MRPL34: variants seen among roughly 807,000 people sequenced by gnomAD.
MRPL34 encodes large ribosomal subunit protein bL34m.
Under a neutral mutation model 6.7 loss-of-function variants are expected in MRPL34, and 8 were observed. The ratio of observed to expected loss-of-function variants is 1.20; its 90% confidence interval spans 0.70 to 2.16. MRPL34 has a LOEUF of 2.16. MRPL34 is among the 30% of genes most tolerant of loss of function. MRPL34 has a pLI of 0.00. For synonymous variants in MRPL34, 59 were observed against 55.1 expected (o/e 1.07, Z -0.31); for missense variants, 146 against 125.5 (o/e 1.16, Z -0.78).
At chr19:17,303,405 C>G (rs1158282462), upstream of MRPL34, 1 of 152,242 alleles carries the variant, frequency 6.6e-6, no homozygotes, top group Non-Finnish European at 1.5e-5. Flanking sequence ...ATCCCGCGGC[C>G]GCCGAAACAG....
At chr19:17,304,095 C>T (rs1467847940), upstream of MRPL34, among the ~76,000 whole-genome samples, 3 of 152,206 alleles carry the variant, frequency 2.0e-5, no homozygotes, top group Non-Finnish European at 2.9e-5. Context: ...GCCATCGTGA[C>T]GGGCTTCTCT....
At chr19:17,297,545 C>T (rs1180525207) in intron 1 of MRPL34, among the ~76,000 whole-genome samples, 3 of 152,124 alleles carry the variant, frequency 2.0e-5, no homozygotes, top group Non-Finnish European at 2.9e-5. Context: ...CCGCCTGCCT[C>T]GGCCTCCAAA....
chr19:17,306,056 C>A lies in MRPL34; in HGVS notation c.65+99C>A, dbSNP rs573447367. The A allele has an allele frequency of 9.1e-6, 14 of 1,545,460 alleles. No individual in the cohort carries two copies. The South Asian group carries it at 1.0e-4, about 11-fold the overall frequency. ...GCCCGCGTGACCTGCCAGTGCCTTGCGCATTTTGCAGCCAGGCTCTGTCTC... is the reference window on the plus strand; with the variant it reads ...GCCCGCGTGACCTGCCAGTGCCTTGAGCATTTTGCAGCCAGGCTCTGTCTC... On this transcript the variant is annotated intron_variant, in intron 1 of 1. Transcript: ENST00000252602.
intron 1 of MRPL34, chr19:17,294,277 C>A (rs915046679): frequency 6.3e-7 from 1 of 1,594,390 alleles, no homozygotes; most frequent in Non-Finnish European, 8.5e-7. Flanking sequence ...GCCCCAGGTG[C>A]CCGCCTCTAC....
chr19:17,295,057 GAGATTGC>G (rs935310956), intron 1 of MRPL34, among the ~76,000 whole-genome samples: 6 of 149,018 alleles, frequency 4.0e-5, no homozygotes, highest in African/African-American at 1.5e-4. Flanking sequence ...CCGAGTAGCT[GAGATTGC>G]AGGCGCACAC....
rs776681947 is a variant in MRPL34 at position 17,306,163 on chromosome 19, C to A, written c.66-3C>A. ...CTTTCTCGCCGTCCCTCTACCCACGCAGGTGGCTCCAGCCCCGGGCCTGGC... is the reference window on the plus strand; with the variant it reads ...CTTTCTCGCCGTCCCTCTACCCACGAAGGTGGCTCCAGCCCCGGGCCTGGC... On this transcript the variant is annotated splice_region_variant and splice_polypyrimidine_tract_variant and intron_variant, in intron 1 of 1. Transcript: ENST00000252602. 1 of 1,520,656 alleles carries A rather than the reference C, an allele frequency of 6.6e-7. No homozygotes were observed. Among genetic ancestry groups the A allele is most frequent in the Non-Finnish European group, 8.8e-7 (1 of 1,137,366 alleles). The allele number at this position is 1,520,656 out of a possible 1,614,324, so 94.2% of individuals were successfully genotyped here. A position where few individuals can be genotyped will look rare whatever the true frequency, so the allele number is the denominator to read the frequency against.
chr19:17,294,656 T>C, intron 1 of MRPL34: 1 of 1,612,148 alleles, frequency 6.2e-7, no homozygotes, highest in Non-Finnish European at 8.5e-7. Context: ...ATCACGGTCT[T>C]TGGGGTGGGG....
chr19:17,301,322 G>A (rs2074117110), upstream of MRPL34: 2 of 1,607,766 alleles, frequency 1.2e-6, no homozygotes, highest in Non-Finnish European at 1.7e-6. Context: ...TCGGCTCGAG[G>A]GGCTCGGCCC....
intron 1 of MRPL34, among the ~76,000 whole-genome samples, chr19:17,296,975 G>T (rs1167879562): frequency 1.3e-5 from 2 of 152,148 alleles, no homozygotes; most frequent in Admixed American, 6.6e-5. Flanking sequence ...GATTAGAGGC[G>T]TGAGCCACCG....
intron 1 of MRPL34, chr19:17,294,274 G>A (rs1279572249): frequency 2.5e-6 from 4 of 1,593,410 alleles, no homozygotes; most frequent in Non-Finnish European, 3.4e-6. Context: ...GGCGCCCCAG[G>A]TGCCCGCCTC....
chr19:17,306,081 C>G lies in MRPL34; in HGVS notation c.66-85C>G. 4 of 1,512,932 alleles carry G rather than the reference C, an allele frequency of 2.6e-6. No individual in the cohort carries two copies. In the South Asian group the frequency reaches 4.7e-5, roughly 18 times the overall value. The allele number at this position is 1,512,932 out of a possible 1,614,324, so 93.7% of individuals were successfully genotyped here. A position where few individuals can be genotyped will look rare whatever the true frequency, so the allele number is the denominator to read the frequency against. On this transcript the variant is annotated intron_variant, in intron 1 of 1. Transcript: ENST00000252602. Reference sequence around the variant, plus strand: ...CGCATTTTGCAGCCAGGCTCTGTCTCCGGGAGCCGAGGCTCAGAGAGGTTG... The same window carrying G: ...CGCATTTTGCAGCCAGGCTCTGTCTGCGGGAGCCGAGGCTCAGAGAGGTTG...
chr19:17,306,496 C>T lies in MRPL34; in HGVS notation c.*117C>T, dbSNP rs930367667. On this transcript the variant is annotated 3_prime_UTR_variant, in exon 2 of 2. Transcript: ENST00000252602. The stretch of plus-strand genomic sequence containing the variant: ...GGAACGCCTCGGACCTGAGTGCTCT[C>T]CATATTGTGGGGTTGAAGTCTGGAT... The T allele has an allele frequency of 3.2e-6, 3 of 938,596 alleles. No homozygotes were observed. Among genetic ancestry groups the T allele is most frequent in the South Asian group, 3.5e-5 (2 of 56,478 alleles). The allele number at this position is 938,596 out of a possible 1,614,324, so 58.1% of individuals were successfully genotyped here. A position where few individuals can be genotyped will look rare whatever the true frequency, so the allele number is the denominator to read the frequency against.
At chr19:17,301,213 C>A, upstream of MRPL34, 1 of 1,595,314 alleles carries the variant, frequency 6.3e-7, no homozygotes. Context: ...GCTGCCTGCG[C>A]TGCCGGGGGC....
At chr19:17,294,804 A>C (rs1391269580) in intron 1 of MRPL34, 2 of 1,614,220 alleles carry the variant, frequency 1.2e-6, no homozygotes, top group Non-Finnish European at 1.7e-6. Flanking sequence ...CTTGTGCACT[A>C]GGTCTGGGTA....
chr19:17,301,375 C>G (rs778010815), upstream of MRPL34: 3 of 1,611,106 alleles, frequency 1.9e-6, no homozygotes, highest in Non-Finnish European at 1.7e-6. Flanking sequence ...CACGGTGATC[C>G]GGCGCTGACA....
intron 1 of MRPL34, among the ~76,000 whole-genome samples, chr19:17,293,499 G>A (rs2074080082): frequency 6.6e-6 from 1 of 151,478 alleles, no homozygotes; most frequent in Admixed American, 6.6e-5. Flanking sequence ...TAGCTGGGGT[G>A]GGGGCTGCTA....
At chr19:17,300,930 C>A (rs765364538), upstream of MRPL34, 3 of 1,612,900 alleles carry the variant, frequency 1.9e-6, no homozygotes, top group Non-Finnish European at 2.5e-6. Context: ...CCTCAGCCAG[C>A]GCATAGAAGG....
chr19:17,297,779 G>A (rs1298221818), intron 1 of MRPL34: 1 of 144,674 alleles, frequency 6.9e-6, no homozygotes, highest in Non-Finnish European at 1.5e-5. Context: ...GTTTTTTGTA[G>A]AGATGAGATC....
At chr19:17,300,931 G>A (rs376723965), upstream of MRPL34, 8 of 1,612,900 alleles carry the variant, frequency 5.0e-6, no homozygotes, top group African/African-American at 9.3e-5. Context: ...CTCAGCCAGC[G>A]CATAGAAGGT....
Sources: gnomAD v4.1 joint callset for allele counts (sites outside exome capture counted in the v4.1 genomes callset) on GRCh38, gnomAD v4.1.1 for gene constraint, MANE v1.5 for transcripts, NCBI Gene and HGNC (gene_info 2026-07-23, HGNC 2026-07-21) for gene names.